Variants in TOX2 observed in about 807,000 individuals in gnomAD.
TOX2 encodes granulosa cell HMG box 1.
TOX2 carries 15 observed loss-of-function variants against 47.4 expected under a neutral mutation model. The observed-to-expected ratio is 0.32, with a 90% CI of 0.21 to 0.49. The LOEUF is 0.49. Ranked by LOEUF, TOX2 falls within the 20% of genes least tolerant of loss-of-function variation. TOX2 has a pLI of 0.99. For synonymous variants in TOX2, 290 were observed against 296.6 expected, an observed-to-expected ratio of 0.98 and a Z score of 0.23; for missense variants, 622 against 673.1, an observed-to-expected ratio of 0.92 and a Z score of 0.84.
At chr20:44,006,822 G>A in intron 3 of TOX2, 30 bp downstream of exon 3, 2 of 1,602,768 alleles carry the variant, frequency 1.2e-6, no homozygotes, top group Non-Finnish European at 8.5e-7. Flanking sequence ...TGCAGTTCCT[G>A]CTGATGACAG....
intron 3 of TOX2, among the ~76,000 whole-genome samples, chr20:44,035,056 A>G (rs2071217911): frequency 6.6e-6 from 1 of 152,128 alleles, no homozygotes; most frequent in Admixed American, 6.5e-5. Flanking sequence ...GTCAATATCA[A>G]TCTTCCTCAG....
chr20:43,931,295 C>T (rs1257404382), intron 1 of TOX2, among the ~76,000 whole-genome samples: 1 of 152,148 alleles, frequency 6.6e-6, no homozygotes, highest in Non-Finnish European at 1.5e-5. Context: ...CAGGCCACCA[C>T]ACCTGATAAT....
intron 3 of TOX2, among the ~76,000 whole-genome samples, chr20:44,021,253 A>ATTCTTTGAG (rs1427365765): frequency 6.6e-6 from 1 of 152,168 alleles, no homozygotes; most frequent in Non-Finnish European, 1.5e-5. Flanking sequence ...AGCAAAGCCC[A>ATTCTTTGAG]TTCTTTGAGA....
At position 44,039,594 on chromosome 20, in the gene TOX2, G is replaced by C. The variant is rs113664711; in HGVS notation, c.412-11712G>C. ...TAGTTTGTCTCAGGGGTGAACCCAG[G>C]AAGCCCTTGGAGGGAAAAAGGCAAG... On this transcript the variant is annotated intron_variant, in intron 3 of 8. Transcript: ENST00000341197. 4.1e-3 allele frequency among the ~76,000 whole-genome samples: 628 copies of C among 152,334 alleles called. 3 individuals carry two copies. Among genetic ancestry groups the C allele is most frequent in the African/African-American group, 0.014 (585 of 41,554 alleles).
chr20:44,010,874 T>G, intron 3 of TOX2, among the ~76,000 whole-genome samples: 1 of 152,166 alleles, frequency 6.6e-6, no homozygotes, highest in Non-Finnish European at 1.5e-5. Flanking sequence ...ATTTATTCTA[T>G]CACACCTCCA....
chr20:43,994,609 C>G (rs889320036), intron 2 of TOX2, among the ~76,000 whole-genome samples: 1 of 152,130 alleles, frequency 6.6e-6, no homozygotes, highest in Non-Finnish European at 1.5e-5. Flanking sequence ...TACTTAAGTT[C>G]TGCTGGGACT....
chr20:43,953,115 G>T (rs1569029132), intron 1 of TOX2, among the ~76,000 whole-genome samples: 2 of 152,128 alleles, frequency 1.3e-5, no homozygotes, highest in African/African-American at 4.8e-5. Context: ...TAGACACAGG[G>T]AAAGGCAAGG....
intron 3 of TOX2, chr20:44,039,340 T>A (rs2071295675): frequency 7.8e-7 from 1 of 1,275,898 alleles, no homozygotes; most frequent in African/African-American, 1.5e-5. Context: ...GGAGAGAGAT[T>A]GTACAGATCC....
intron 2 of TOX2, among the ~76,000 whole-genome samples, chr20:43,975,187 A>G (rs993207055): frequency 1.3e-5 from 2 of 152,122 alleles, no homozygotes; most frequent in Non-Finnish European, 2.9e-5. Context: ...ACTGGAAAGC[A>G]TTGGCAATGT....
chr20:44,045,924 T>C (rs1439241707), intron 3 of TOX2, among the ~76,000 whole-genome samples: 3 of 152,198 alleles, frequency 2.0e-5, no homozygotes, highest in African/African-American at 7.2e-5. Flanking sequence ...AATGCCAGAT[T>C]CTTGCTTAAG....
chr20:43,951,707 G>GTTTGTTTTTTTTTTTTTTTTTT (rs2069571364), intron 1 of TOX2, among the ~76,000 whole-genome samples: 6 of 55,096 alleles, frequency 1.1e-4, no homozygotes, highest in Non-Finnish European at 2.0e-4. Context: ...AACTTATTAT[G>GTTTGTTTTTTTTTTTTTTTTTT]TTTTTTTTTT....
intron 3 of TOX2, among the ~76,000 whole-genome samples, chr20:44,013,238 G>A (rs189279446): frequency 9.9e-4 from 151 of 152,270 alleles, no homozygotes; most frequent in African/African-American, 3.4e-3. Context: ...CAGGGTCTGG[G>A]TATTGACTCT....
At chr20:43,988,810 C>T (rs981003408) in intron 2 of TOX2, among the ~76,000 whole-genome samples, 1 of 152,198 alleles carries the variant, frequency 6.6e-6, no homozygotes, top group Non-Finnish European at 1.5e-5. Flanking sequence ...GATATACACA[C>T]ACACACTCAA....
chr20:43,915,494 C>T lies in TOX2; in HGVS notation c.99+504C>T, dbSNP rs960670966. The stretch of plus-strand genomic sequence containing the variant: ...GGGGACAGTCACACAAAGAAGTCGC[C>T]CGACAGTCACACTCTCGCAGCCACA... On this transcript the variant is annotated intron_variant, in intron 1 of 8. Transcript: ENST00000341197. The surrounding 1 kb of genome is among the most constrained non-coding windows in gnomAD (Gnocchi z 7.1). Among the ~76,000 whole-genome samples, 10 of 152,146 alleles carry T rather than the reference C, an allele frequency of 6.6e-5. No individual in the cohort carries two copies. The highest frequency in any genetic ancestry group is 1.3e-4 in the Non-Finnish European group (9 of 68,034).
chr20:43,951,707 G>GTGTTTTTT (rs2069570989), intron 1 of TOX2, among the ~76,000 whole-genome samples: 2 of 55,098 alleles, frequency 3.6e-5, no homozygotes, highest in African/African-American at 1.1e-4. Context: ...AACTTATTAT[G>GTGTTTTTT]TTTTTTTTTT....
At chr20:43,941,788 G>A (rs1415894476) in intron 1 of TOX2, among the ~76,000 whole-genome samples, 1 of 152,196 alleles carries the variant, frequency 6.6e-6, no homozygotes, top group East Asian at 1.9e-4. Flanking sequence ...TGCCCTGGAG[G>A]AAGCAATGAT....
intron 2 of TOX2, among the ~76,000 whole-genome samples, chr20:43,981,439 T>C (rs2070166767): frequency 6.6e-6 from 1 of 152,238 alleles, no homozygotes; most frequent in Non-Finnish European, 1.5e-5. Context: ...TTCTAAGTGC[T>C]TGCATTTGAT....
intron 2 of TOX2, among the ~76,000 whole-genome samples, chr20:43,983,634 G>T (rs1458970781): frequency 1.3e-5 from 2 of 152,180 alleles, no homozygotes; most frequent in Non-Finnish European, 2.9e-5. Context: ...ACCTGTGCTG[G>T]TATCACTCTG....
At chr20:44,066,183 G>A in intron 7 of TOX2, 76 bp downstream of exon 7, 2 of 1,415,764 alleles carry the variant, frequency 1.4e-6, no homozygotes, top group Non-Finnish European at 1.9e-6. Flanking sequence ...TCAAACCCTG[G>A]CCCTGCCACT....
Sources: gnomAD v4.1 joint callset for allele counts (sites outside exome capture counted in the v4.1 genomes callset) on GRCh38, gnomAD v4.1.1 for gene constraint, Gnocchi (gnomAD v3.1) non-coding constraint, MANE v1.5 for transcripts, NCBI Gene and HGNC (gene_info 2026-07-23, HGNC 2026-07-21) for gene names.